The following LRRIQ1 variants were observed in gnomAD, a reference collection of about 807,000 sequenced individuals.
The protein encoded by LRRIQ1 is leucine rich repeats and IQ motif containing 1.
LRRIQ1 carries 210 observed loss-of-function variants against 211.9 expected under a neutral mutation model. The ratio of observed to expected loss-of-function variants is 0.99; its 90% confidence interval spans 0.89 to 1.11. The LOEUF (loss-of-function observed/expected upper bound fraction) is 1.11, where lower values mean the gene tolerates loss of function less well. Among genes scored for constraint, LRRIQ1 ranks in the 50% most tolerant of loss-of-function variants. The probability of loss-of-function intolerance (pLI) is 0.00; values close to 1 mark genes in which losing one functional copy is unlikely to be tolerated. For missense variants in LRRIQ1, 2,136 were observed against 1,939.5 expected (o/e 1.10, Z -1.90); for synonymous variants, 699 against 650.1 (o/e 1.08, Z -1.14).
intron 19 of LRRIQ1, among the ~76,000 whole-genome samples, chr12:85,150,926 A>G (rs1306978292): frequency 1.3e-5 from 2 of 151,614 alleles, no homozygotes; most frequent in African/African-American, 4.8e-5. Flanking sequence ...TGAGCTTATT[A>G]ACATGTGCGT....
Position 85,127,967 on chromosome 12 carries a change from G to A in LRRIQ1, c.4143G>A (p.Lys1381=), listed in dbSNP as rs770147698. The A allele has an allele frequency of 6.2e-7, 1 of 1,613,718 alleles. No individual in the cohort carries two copies. The highest frequency in any genetic ancestry group is 8.5e-7 in the Non-Finnish European group (1 of 1,179,740). The change falls in exon 18 of 27, where the codon AAG becomes AAA. Residue 1381 remains lysine (K), a synonymous_variant. Transcript: ENST00000393217. ...NSSIKNQTIL[K]KGKRENIVNI... ...CCATCAAGAATCAGACTATTTTAAA[G>A]AAAGGAAAAAGAGAAAATATTGTGA...
intron 3 of LRRIQ1, among the ~76,000 whole-genome samples, chr12:85,041,948 C>T (rs1205362356): frequency 1.3e-5 from 2 of 151,698 alleles, no homozygotes; most frequent in African/African-American, 4.8e-5. Context: ...AAGGTGGCTC[C>T]AAGAATTTTG....
At chr12:85,097,968 A>C (rs1031060102) in intron 11 of LRRIQ1, among the ~76,000 whole-genome samples, 1 of 152,178 alleles carries the variant, frequency 6.6e-6, no homozygotes, top group South Asian at 2.1e-4. Flanking sequence ...AATACTATAC[A>C]TGCAACCTGA....
chr12:85,118,900 G>T (rs1887775921), intron 15 of LRRIQ1, among the ~76,000 whole-genome samples: 1 of 151,904 alleles, frequency 6.6e-6, no homozygotes, highest in Non-Finnish European at 1.5e-5. Context: ...CAGCAAAACT[G>T]AGCAGAAAGT....
At chr12:85,179,181 A>G (rs979047418) in intron 24 of LRRIQ1, among the ~76,000 whole-genome samples, 4 of 151,904 alleles carry the variant, frequency 2.6e-5, no homozygotes, top group Non-Finnish European at 5.9e-5. Flanking sequence ...TGTGTCTGTT[A>G]ATAGCATCAT....
chr12:85,204,432 C>T (rs546277799), intron 24 of LRRIQ1, among the ~76,000 whole-genome samples: 42 of 152,298 alleles, frequency 2.8e-4, no homozygotes, highest in African/African-American at 1.0e-3. Flanking sequence ...AATGGTAGAT[C>T]CACCAACAGC....
Position 85,229,660 on chromosome 12 carries a change from T to A in LRRIQ1, c.4955+11T>A. Reference sequence around the variant, plus strand: ...CAGAAATATGAAATGGTGAGGTCATTTCCTCTAAATTAGATTTTTGTATTG... The same window carrying A: ...CAGAAATATGAAATGGTGAGGTCATATCCTCTAAATTAGATTTTTGTATTG... On this transcript the variant is annotated intron_variant, in intron 25 of 26. Coordinates refer to ENST00000393217, the MANE Select transcript of LRRIQ1 (RefSeq NM_001079910.2). The A allele has an allele frequency of 6.2e-7, 1 of 1,603,938 alleles. No individual in the cohort carries two copies. Among genetic ancestry groups the A allele is most frequent in the Non-Finnish European group, 8.5e-7 (1 of 1,177,266 alleles).
At chr12:85,266,599 G>A (rs1000851369), downstream of LRRIQ1, among the ~76,000 whole-genome samples, 1 of 152,076 alleles carries the variant, frequency 6.6e-6, no homozygotes, top group Non-Finnish European at 1.5e-5. Context: ...TTCAGAGCAA[G>A]GGAGCAAGTA....
At chr12:85,236,057 A>G (rs1483141109) in intron 26 of LRRIQ1, among the ~76,000 whole-genome samples, 1 of 152,158 alleles carries the variant, frequency 6.6e-6, no homozygotes, top group African/African-American at 2.4e-5. Context: ...GAGATTGTTT[A>G]CTAAATGGCA....
Position 85,055,981 on chromosome 12 carries a change from A to T in LRRIQ1, c.1188A>T (p.Ile396=). ...LREDASQQLI[I]SSALKKSGYN... ...AAGATGCAAGCCAACAGCTAATAAT[A>T]AGTAGTGCATTAAAGAAGAGCGGAT... Residue 396 remains isoleucine (I), a synonymous_variant, in exon 8 of 27, where the codon ATA becomes ATT. Coordinates refer to ENST00000393217, the MANE Select transcript of LRRIQ1 (RefSeq NM_001079910.2). The T allele has an allele frequency of 6.2e-7, 1 of 1,609,716 alleles. No individual in the cohort carries two copies. The highest frequency in any genetic ancestry group is 8.5e-7 in the Non-Finnish European group (1 of 1,177,934).
chr12:85,108,149 TTAAA>T (rs1405123147), intron 15 of LRRIQ1, among the ~76,000 whole-genome samples: 2 of 152,176 alleles, frequency 1.3e-5, no homozygotes, highest in African/African-American at 4.8e-5. Flanking sequence ...TTGTATTACT[TTAAA>T]TAGCCTCTAT....
intron 24 of LRRIQ1, among the ~76,000 whole-genome samples, chr12:85,162,336 A>T (rs181023364): frequency 6.6e-6 from 1 of 152,172 alleles, no homozygotes; most frequent in Non-Finnish European, 1.5e-5. Context: ...TTTCATTGTT[A>T]TAGTCTTAAC....
intron 24 of LRRIQ1, among the ~76,000 whole-genome samples, chr12:85,163,746 G>A (rs572823203): frequency 6.6e-6 from 1 of 152,010 alleles, no homozygotes; most frequent in East Asian, 1.9e-4. Context: ...AGGAATAGTT[G>A]ATATTAAATA....
chr12:85,079,710 G>T (rs189073717), intron 11 of LRRIQ1, among the ~76,000 whole-genome samples: 3 of 152,050 alleles, frequency 2.0e-5, no homozygotes, highest in Non-Finnish European at 4.4e-5. Context: ...TATAATCATT[G>T]ATGTATTTGA....
chr12:85,051,025 G>T (rs564608282), intron 6 of LRRIQ1, among the ~76,000 whole-genome samples: 1 of 152,300 alleles, frequency 6.6e-6, no homozygotes, highest in African/African-American at 2.4e-5. Context: ...AATCACCAGT[G>T]TTGGAGGTGG....
At chr12:85,164,530 A>G (rs1891055825) in intron 24 of LRRIQ1, among the ~76,000 whole-genome samples, 1 of 152,224 alleles carries the variant, frequency 6.6e-6, no homozygotes, top group African/African-American at 2.4e-5. Flanking sequence ...AGCAATAGTC[A>G]TTTTAAAAGT....
intron 1 of LRRIQ1, among the ~76,000 whole-genome samples, chr12:85,262,004 G>A (rs1251706578): frequency 6.6e-6 from 1 of 151,996 alleles, no homozygotes; most frequent in African/African-American, 2.4e-5. Flanking sequence ...TGGTCAGGCT[G>A]GTCTCGAACT....
chr12:85,251,932 C>A lies in LRRIQ1; in HGVS notation c.121+7023C>A, dbSNP rs1230067773. Among the ~76,000 whole-genome samples the A allele has an allele frequency of 3.3e-5, 5 of 151,804 alleles. No homozygotes were observed. The Admixed American group carries it at 3.3e-4, about 10-fold the overall frequency. On this transcript the variant is annotated intron_variant, in intron 1 of 1. Coordinates refer to the LRRIQ1 transcript ENST00000602731. ...TTCTGATATTTTTCAGTATGAAAAT[C>A]ATGCTTGAAACTCAAACTTTTCTCT...
intron 24 of LRRIQ1, among the ~76,000 whole-genome samples, chr12:85,185,760 A>C (rs1194502591): frequency 1.3e-5 from 2 of 151,974 alleles, no homozygotes; most frequent in African/African-American, 4.8e-5. Context: ...TTCCACATAC[A>C]TTTTATTTTT....
Sources: gnomAD v4.1 joint callset for allele counts (sites outside exome capture counted in the v4.1 genomes callset) on GRCh38, gnomAD v4.1.1 for gene constraint, MANE v1.5 for transcripts, NCBI Gene and HGNC (gene_info 2026-07-23, HGNC 2026-07-21) for gene names.